Variants in NCOA3 observed in about 807,000 individuals in gnomAD.
The protein encoded by NCOA3 is CBP-interacting protein.
In NCOA3, 51 loss-of-function variants were observed where a neutral mutation model predicts 158.8. The observed-to-expected ratio is 0.32, with a 90% CI of 0.26 to 0.41. The LOEUF is 0.41. Among genes scored for constraint, NCOA3 ranks in the 10% least tolerant of loss-of-function variants. The pLI, the probability that NCOA3 is intolerant of heterozygous loss-of-function variation, is 1.00. For missense variants in NCOA3, 1,510 were observed against 1,746.6 expected, an observed-to-expected ratio of 0.86 and a Z score of 2.41; for synonymous variants, 537 against 592.4, an observed-to-expected ratio of 0.91 and a Z score of 1.36.
intron 1 of NCOA3, among the ~76,000 whole-genome samples, chr20:47,504,190 G>C (rs2083986973): frequency 6.6e-6 from 1 of 152,136 alleles, no homozygotes; most frequent in Non-Finnish European, 1.5e-5. Context: ...ATTAGAGCTA[G>C]GTTATTAAAG....
intron 2 of NCOA3, among the ~76,000 whole-genome samples, chr20:47,621,592 CTACATT>C (rs1281740658): frequency 6.6e-6 from 1 of 150,614 alleles, no homozygotes; most frequent in African/African-American, 2.5e-5. Flanking sequence ...AAGAAGTACT[CTACATT>C]TATCTTCTTC....
At chr20:47,618,348 G>T (rs370403596) in intron 2 of NCOA3, among the ~76,000 whole-genome samples, 32 of 101,352 alleles carry the variant, frequency 3.2e-4, no homozygotes, top group South Asian at 1.3e-3. Flanking sequence ...TTTTCCCTTA[G>T]TTTTTTTTTT....
intron 6 of NCOA3, 35 bp from the exon 7 acceptor site, chr20:47,627,526 C>T (rs753987029): frequency 1.3e-6 from 2 of 1,540,512 alleles, no homozygotes; most frequent in Admixed American, 3.8e-5. Flanking sequence ...GAGTTACCAG[C>T]TTTTTAAAAT....
At chr20:47,506,307 A>G (rs762997044) in intron 1 of NCOA3, among the ~76,000 whole-genome samples, 13 of 152,092 alleles carry the variant, frequency 8.5e-5, no homozygotes, top group Non-Finnish European at 1.6e-4. Context: ...TAAAGATGCA[A>G]TTTATCCAGA....
In NCOA3 at chr20:47,639,102, A is replaced by G. The variant is rs1192966035; in HGVS notation, c.2607A>G (p.Pro869=). The change falls in exon 14 of 23, where the codon CCA becomes CCG. Residue 869 remains proline (P), a synonymous_variant. Coordinates refer to ENST00000371998, the MANE Select transcript of NCOA3 (RefSeq NM_181659.3). ...DSPVSVGSSP[P]VKNISAFPML... ...CTGTTTCTGTTGGCTCAAGTCCTCC[A>G]GTAAAAAATATCAGTGCTTTCCCCA... 6.2e-7 allele frequency: 1 copy of G among 1,614,232 alleles called. No individual in the cohort carries two copies. The highest frequency in any genetic ancestry group is 8.5e-7 in the Non-Finnish European group (1 of 1,180,030).
At position 47,634,136 on chromosome 20, in the gene NCOA3, C is replaced by CT. The variant is rs754302233; in HGVS notation, c.1055dup (p.Arg353ProfsTer7). 6.2e-7 allele frequency: 1 copy of CT among 1,614,158 alleles called. No homozygotes were observed. Among genetic ancestry groups the CT allele is most frequent in the Non-Finnish European group, 8.5e-7 (1 of 1,180,026 alleles). Reference sequence around the variant, plus strand: ...TGACTGCACAGACAAAAAGCAAACTCTTCCGAAATCCTGTAACAAATGATC... The same window carrying CT: ...TGACTGCACAGACAAAAAGCAAACTCTTTCCGAAATCCTGTAACAAATGATC... On this transcript the variant is annotated frameshift_variant, in exon 10 of 23. Coordinates refer to ENST00000371998, the MANE Select transcript of NCOA3 (RefSeq NM_181659.3). LOFTEE classifies it high-confidence loss of function.
intron 2 of NCOA3, among the ~76,000 whole-genome samples, chr20:47,618,347 A>ATTT (rs2086174061): frequency 1.2e-4 from 12 of 96,468 alleles, no homozygotes; most frequent in South Asian, 1.0e-3. Context: ...ATTTTCCCTT[A>ATTT]GTTTTTTTTT....
chr20:47,639,104 T>G lies in NCOA3; in HGVS notation c.2609T>G (p.Val870Gly). 1 of 1,614,166 alleles carries G rather than the reference T, an allele frequency of 6.2e-7. No homozygotes were observed. Among genetic ancestry groups the G allele is most frequent in the Non-Finnish European group, 8.5e-7 (1 of 1,180,010 alleles). Residue 870 changes from valine to glycine, a missense_variant, in exon 14 of 23, where the codon GTA (valine) becomes GGA (glycine). By Grantham distance (109) the Val-to-Gly change is moderately radical. Coordinates refer to ENST00000371998, the MANE Select transcript of NCOA3 (RefSeq NM_181659.3). ...SPVSVGSSPP[V>G]KNISAFPMLP... ...GTTTCTGTTGGCTCAAGTCCTCCAG[T>G]AAAAAATATCAGTGCTTTCCCCATG...
chr20:47,573,316 C>T (rs2085323128), intron 1 of NCOA3, among the ~76,000 whole-genome samples: 2 of 152,196 alleles, frequency 1.3e-5, no homozygotes, highest in South Asian at 4.2e-4. Flanking sequence ...TTGCTTGAAC[C>T]CGGGAGGCGG....
chr20:47,539,294 C>T (rs1194025025), intron 1 of NCOA3, among the ~76,000 whole-genome samples: 1 of 152,134 alleles, frequency 6.6e-6, no homozygotes, highest in African/African-American at 2.4e-5. Context: ...GAGCTCTGGT[C>T]ATACCATCGT....
chr20:47,574,251 T>C (rs1482955710), intron 1 of NCOA3, among the ~76,000 whole-genome samples: 1 of 152,162 alleles, frequency 6.6e-6, no homozygotes, highest in Non-Finnish European at 1.5e-5. Context: ...ATTTGGTGCA[T>C]AGGAAAAAGG....
chr20:47,542,665 C>T (rs1251781215), intron 1 of NCOA3, among the ~76,000 whole-genome samples: 2 of 152,032 alleles, frequency 1.3e-5, no homozygotes, highest in Non-Finnish European at 2.9e-5. Flanking sequence ...AGGCAAGACC[C>T]TCTCTCTAAA....
At chr20:47,558,225 A>ATTTTTT (rs2085040077) in intron 1 of NCOA3, among the ~76,000 whole-genome samples, 1 of 120,590 alleles carries the variant, frequency 8.3e-6, no homozygotes, top group African/African-American at 3.7e-5. Flanking sequence ...CGCCCAGCTA[A>ATTTTTT]TTTTGTATTT....
rs1202354544 is a variant in NCOA3 at position 47,624,009 on chromosome 20, A to G, written c.182A>G (p.Asn61Ser). The G allele has an allele frequency of 1.9e-6, 3 of 1,612,604 alleles. No individual in the cohort carries two copies. The highest frequency in any genetic ancestry group is 1.7e-5 in the Admixed American group (1 of 59,914). ...LISANLSDID[N>S]FNVKPDKCAI... is the part of the protein sequence containing the mutation. ...TCTGCCAATCTTAGTGATATTGACA[A>G]TTTCAATGTCAAACCAGATAAATGT... The change falls in exon 4 of 23, where the codon AAT becomes AGT. Residue 61 changes from asparagine (N) to serine (S), a missense_variant. By Grantham distance (46) the Asn-to-Ser change is conservative. Transcript: ENST00000371998.
intron 1 of NCOA3, among the ~76,000 whole-genome samples, chr20:47,582,831 G>T (rs2085475134): frequency 6.6e-6 from 1 of 152,228 alleles, no homozygotes. Context: ...ATCTCGCTCT[G>T]TCACCCTGGC....
At chr20:47,544,146 T>C (rs772232360) in intron 1 of NCOA3, among the ~76,000 whole-genome samples, 1 of 152,054 alleles carries the variant, frequency 6.6e-6, no homozygotes, top group Non-Finnish European at 1.5e-5. Flanking sequence ...GCAGATATTG[T>C]CAAATTTCCA....
Position 47,635,526 on chromosome 20 carries a change from A to T in NCOA3, c.1317A>T (p.Ile439=), listed in dbSNP as rs1428771962. Residue 439 remains isoleucine (I), a synonymous_variant, in exon 11 of 23, where the codon ATA becomes ATT. Transcript: ENST00000371998. ...CTAGGTATGGGGGTTCCAGTAACAT[A>T]GCTTCATTGACCCCTGGGCCAGGCA... ...SGARYGGSSN[I]ASLTPGPGMQ... The T allele has an allele frequency of 4.3e-6, 7 of 1,614,004 alleles. No individual in the cohort carries two copies. Among genetic ancestry groups the T allele is most frequent in the Non-Finnish European group, 4.2e-6 (5 of 1,180,044 alleles).
intron 1 of NCOA3, among the ~76,000 whole-genome samples, chr20:47,502,263 T>C (rs2146032085): frequency 6.6e-6 from 1 of 152,298 alleles, no homozygotes; most frequent in African/African-American, 2.4e-5. Flanking sequence ...GGCAGTCCGC[T>C]TGGGGATCCG....
At chr20:47,610,689 G>T (rs1391020529) in intron 2 of NCOA3, among the ~76,000 whole-genome samples, 2 of 152,198 alleles carry the variant, frequency 1.3e-5, no homozygotes, top group Non-Finnish European at 2.9e-5. Context: ...GTGTCGTGTT[G>T]CTAGAGTTAC....
Sources: gnomAD v4.1 joint callset for allele counts (sites outside exome capture counted in the v4.1 genomes callset) on GRCh38, gnomAD v4.1.1 for gene constraint, MANE v1.5 for transcripts, NCBI Gene and HGNC (gene_info 2026-07-23, HGNC 2026-07-21) for gene names.